IPO11: variants seen among roughly 807,000 people sequenced by gnomAD.
The protein encoded by IPO11 is importin 11.
Under a neutral mutation model 143.2 loss-of-function variants are expected in IPO11, and 66 were observed. That is an observed-to-expected ratio of 0.46 (90% CI 0.38 to 0.57). IPO11 has a LOEUF of 0.57. Among genes scored for constraint, IPO11 ranks in the 20% least tolerant of loss-of-function variants. IPO11 has a pLI of 0.00. For missense variants in IPO11, 1,026 were observed against 1,141.0 expected, an observed-to-expected ratio of 0.90 and a Z score of 1.45; for synonymous variants, 385 against 377.8, an observed-to-expected ratio of 1.02 and a Z score of -0.22.
At chr5:62,570,905 A>G (rs958868097) in intron 27 of IPO11, among the ~76,000 whole-genome samples, 4 of 152,190 alleles carry the variant, frequency 2.6e-5, no homozygotes, top group Non-Finnish European at 5.9e-5. Flanking sequence ...CAGGACCTCA[A>G]ACTGCTTTAC....
At chr5:62,485,493 G>T in intron 12 of IPO11, 31 bp downstream of exon 12, 2 of 1,521,254 alleles carry the variant, frequency 1.3e-6, no homozygotes, top group South Asian at 2.3e-5. Flanking sequence ...AAATTGATAG[G>T]GGAAAGCTTA....
intron 27 of IPO11, among the ~76,000 whole-genome samples, chr5:62,588,557 G>A (rs1744891172): frequency 6.6e-6 from 1 of 152,172 alleles, no homozygotes; most frequent in Non-Finnish European, 1.5e-5. Context: ...TGCACTTGGT[G>A]TTATGGGGTT....
intron 27 of IPO11, among the ~76,000 whole-genome samples, chr5:62,564,954 A>G (rs1743884285): frequency 6.6e-6 from 1 of 152,198 alleles, no homozygotes; most frequent in Admixed American, 6.5e-5. Context: ...TGTTCTTAAA[A>G]TGGAGTTACT....
intron 20 of IPO11, among the ~76,000 whole-genome samples, chr5:62,521,301 G>A (rs1742193331): frequency 6.6e-6 from 1 of 152,198 alleles, no homozygotes; most frequent in Admixed American, 6.5e-5. Context: ...TATTGCATGT[G>A]CGAAAATGTC....
chr5:62,507,453 G>T (rs1479861756), intron 19 of IPO11, among the ~76,000 whole-genome samples: 1 of 152,138 alleles, frequency 6.6e-6, no homozygotes, highest in Admixed American at 6.5e-5. Flanking sequence ...ACTGTTTTAA[G>T]AACTCATTTT....
intron 4 of IPO11, among the ~76,000 whole-genome samples, chr5:62,450,710 G>A (rs1315099269): frequency 6.9e-6 from 1 of 144,140 alleles, no homozygotes; most frequent in African/African-American, 2.6e-5. Context: ...TTTTTCTATT[G>A]GTTGCATCCA....
chr5:62,460,624 A>G (rs1745322195), intron 5 of IPO11, among the ~76,000 whole-genome samples: 1 of 152,200 alleles, frequency 6.6e-6, no homozygotes, highest in African/African-American at 2.4e-5. Flanking sequence ...AGCTTTTGAT[A>G]CTTTGGAGTC....
chr5:62,497,194 C>T (rs26625), intron 16 of IPO11, among the ~76,000 whole-genome samples: 108,040 of 152,066 alleles, frequency 0.71, 39,064 homozygotes, highest in African/African-American at 0.84. Context: ...AAGTAGCTGT[C>T]AATTTTTTTT....
At position 62,626,053 on chromosome 5, in the gene IPO11, G is replaced by A. The variant is rs374234069; in HGVS notation, c.2764-1101G>A. ...TTCTTTTTCTTTTTTTTTTCGAGAC[G>A]GAGTCTCGCTCTGTCACCCAGGCTG... On this transcript the variant is annotated intron_variant, in intron 29 of 29. Coordinates refer to ENST00000325324, the MANE Select transcript of IPO11 (RefSeq NM_016338.5). 6.0e-3 allele frequency among the ~76,000 whole-genome samples: 907 copies of A among 150,686 alleles called. 3 individuals are homozygous for A. Among genetic ancestry groups the A allele is most frequent in the South Asian group, 0.02 (95 of 4,776 alleles).
intron 1 of IPO11, among the ~76,000 whole-genome samples, chr5:62,435,144 G>GTATATATATT (rs761497192): frequency 1.5e-5 from 1 of 64,992 alleles, no homozygotes. Context: ...ATGTATATAT[G>GTATATATATT]TATATATGTA....
intron 23 of IPO11, 89 bp downstream of exon 23, chr5:62,536,870 T>A: frequency 8.0e-7 from 1 of 1,249,134 alleles, no homozygotes; most frequent in Non-Finnish European, 1.0e-6. Flanking sequence ...TTCAAAATTT[T>A]AAGATTGGTC....
intron 16 of IPO11, among the ~76,000 whole-genome samples, chr5:62,503,836 A>G (rs1741445666): frequency 6.6e-6 from 1 of 152,220 alleles, no homozygotes; most frequent in Non-Finnish European, 1.5e-5. Flanking sequence ...TTAAACGCTT[A>G]CTTTTTGAAA....
At chr5:62,496,458 A>T (rs557731112) in intron 16 of IPO11, among the ~76,000 whole-genome samples, 1 of 152,154 alleles carries the variant, frequency 6.6e-6, no homozygotes, top group Non-Finnish European at 1.5e-5. Context: ...CATATGTTTT[A>T]TACTGTAACT....
At chr5:62,591,297 ATAAG>A (rs1745001613) in intron 27 of IPO11, among the ~76,000 whole-genome samples, 1 of 152,184 alleles carries the variant, frequency 6.6e-6, no homozygotes, top group Non-Finnish European at 1.5e-5. Flanking sequence ...TTGTAGTTAT[ATAAG>A]TAACATAAGA....
At chr5:62,551,955 TCTA>T (rs1743402310) in intron 26 of IPO11, among the ~76,000 whole-genome samples, 1 of 152,014 alleles carries the variant, frequency 6.6e-6, no homozygotes, top group African/African-American at 2.4e-5. Context: ...AAACCCCATC[TCTA>T]CTAAAAATAC....
Position 62,443,021 on chromosome 5 carries a change from G to A in IPO11, c.177G>A (p.Arg59=). Residue 59 remains arginine, a synonymous_variant, in exon 3 of 30, where the codon AGG becomes AGA. Coordinates refer to ENST00000325324, the MANE Select transcript of IPO11 (RefSeq NM_016338.5). ...FTNHTLDINV[R]WLAVLYFKHG... is the part of the protein sequence containing the mutation. Reference sequence around the variant, plus strand: ...ACCACACTTTGGATATAAATGTAAGGTGGCTTGCTGTACTGTATTTTAAAC... The same window carrying A: ...ACCACACTTTGGATATAAATGTAAGATGGCTTGCTGTACTGTATTTTAAAC... 6.2e-7 allele frequency: 1 copy of A among 1,610,884 alleles called. No individual in the cohort carries two copies. Among genetic ancestry groups the A allele is most frequent in the Non-Finnish European group, 8.5e-7 (1 of 1,178,396 alleles).
chr5:62,527,562 G>A (rs1742408910), intron 21 of IPO11, among the ~76,000 whole-genome samples: 1 of 152,148 alleles, frequency 6.6e-6, no homozygotes, highest in Non-Finnish European at 1.5e-5. Flanking sequence ...GATGTTGAAT[G>A]TTAGAAAAAA....
chr5:62,435,205 T>G (rs1210147801), intron 1 of IPO11, among the ~76,000 whole-genome samples: 1 of 99,428 alleles, frequency 1.0e-5, no homozygotes, highest in Non-Finnish European at 2.1e-5. Context: ...TATATGTATA[T>G]ATATGTGTAT....
At chr5:62,590,034 G>A (rs1744954156) in intron 27 of IPO11, among the ~76,000 whole-genome samples, 1 of 152,158 alleles carries the variant, frequency 6.6e-6, no homozygotes, top group African/African-American at 2.4e-5. Context: ...CTGCCTTCTG[G>A]GTTTGGTCAG....
Sources: gnomAD v4.1 joint callset for allele counts (sites outside exome capture counted in the v4.1 genomes callset) on GRCh38, gnomAD v4.1.1 for gene constraint, MANE v1.5 for transcripts, NCBI Gene and HGNC (gene_info 2026-07-23, HGNC 2026-07-21) for gene names.